TCEANC2: variants seen among roughly 807,000 people sequenced by gnomAD.
TCEANC2 encodes transcription elongation factor A N-terminal and central domain containing 2.
TCEANC2 carries 20 observed loss-of-function variants against 22.8 expected under a neutral mutation model. That is an observed-to-expected ratio of 0.88 (90% CI 0.62 to 1.28). The LOEUF (loss-of-function observed/expected upper bound fraction) is 1.28. TCEANC2 is among the 50% of genes most tolerant of loss of function. The pLI, the probability that TCEANC2 is intolerant of heterozygous loss-of-function variation, is 0.00. For synonymous variants in TCEANC2, 84 were observed against 95.5 expected (o/e 0.88, Z 0.70); for missense variants, 251 against 249.7 (o/e 1.01, Z -0.03).
At position 54,054,434 on chromosome 1, in the gene TCEANC2, C is replaced by T; in HGVS notation, c.12C>T (p.Phe4=). The T allele has an allele frequency of 6.8e-6, 11 of 1,613,930 alleles. No homozygotes were observed. Among genetic ancestry groups the T allele is most frequent in the Non-Finnish European group, 9.3e-6 (11 of 1,179,982 alleles). MDK[F]VIRTPRIQNS... is the part of the protein sequence containing the mutation. ...GGAGTCCCCTAACAATGGATAAATTCGTCATTCGAACGCCTAGAATCCAGA... is the reference window on the plus strand; with the variant it reads ...GGAGTCCCCTAACAATGGATAAATTTGTCATTCGAACGCCTAGAATCCAGA... The change falls in exon 2 of 5, where the codon TTC becomes TTT. Residue 4 remains phenylalanine, a synonymous_variant. Transcript: ENST00000234827.
chr1:54,096,880 G>C lies in TCEANC2; in HGVS notation c.*407G>C, dbSNP rs1381876267. The C allele has an allele frequency of 3.0e-6, 3 of 990,630 alleles. No individual in the cohort carries two copies. The highest frequency in any genetic ancestry group is 2.4e-6 in the Non-Finnish European group (2 of 833,008). 61.4% of individuals were successfully genotyped at this position (990,630 alleles called of 1,614,324 possible). On this transcript the variant is annotated 3_prime_UTR_variant, in exon 5 of 5. Coordinates refer to ENST00000234827, the MANE Select transcript of TCEANC2 (RefSeq NM_153035.3). The surrounding 1 kb of genome is among the most constrained non-coding windows in gnomAD (Gnocchi z 4.9). ...CTCAATTACCGCTGCCGCTCACTCG[G>C]TTCCATCCCCCTGAGTTTAGATAGC...
exon 5 of TCEANC2, chr1:54,111,727 A>G (rs1658843834): frequency 6.6e-6 from 1 of 152,228 alleles, no homozygotes; most frequent in Admixed American, 6.5e-5. Flanking sequence ...TGAAAAGCTG[A>G]TGGCTCAGAG....
chr1:54,069,851 G>A (rs1570001394), intron 3 of TCEANC2, among the ~76,000 whole-genome samples: 1 of 152,262 alleles, frequency 6.6e-6, no homozygotes. Context: ...ATGTTGAATT[G>A]CCATTTTAGT....
At chr1:54,109,005 C>T (rs921145415), downstream of TCEANC2, among the ~76,000 whole-genome samples, 2 of 152,148 alleles carry the variant, frequency 1.3e-5, no homozygotes, top group African/African-American at 4.8e-5. Context: ...GAATACCTGC[C>T]TCCTCTATGC....
chr1:54,061,647 G>A (rs1359221882), intron 2 of TCEANC2, among the ~76,000 whole-genome samples: 2 of 152,114 alleles, frequency 1.3e-5, no homozygotes, highest in Non-Finnish European at 2.9e-5. Flanking sequence ...GGCACAGAGA[G>A]ATTAAGTAGC....
chr1:54,055,215 T>C (rs938009884), intron 2 of TCEANC2, among the ~76,000 whole-genome samples: 2 of 152,184 alleles, frequency 1.3e-5, no homozygotes, highest in African/African-American at 4.8e-5. Context: ...TCCACCCGCC[T>C]CTTGTCTCCC....
chr1:54,106,358 T>C (rs1363411667), downstream of TCEANC2, among the ~76,000 whole-genome samples: 3 of 152,244 alleles, frequency 2.0e-5, no homozygotes, highest in East Asian at 5.8e-4. Context: ...ACCACATATG[T>C]ATTTTTTAAT....
Position 54,096,138 on chromosome 1 carries a change from C to T in TCEANC2, c.439-147C>T. On this transcript the variant is annotated intron_variant, in intron 4 of 4. Coordinates refer to ENST00000234827, the MANE Select transcript of TCEANC2 (RefSeq NM_153035.3). The surrounding 1 kb of genome is among the most constrained non-coding windows in gnomAD (Gnocchi z 4.9). ...TAATTGCCAGGGTGGAATTAATTTGCTCTTCCTGTTTCTCTTGTGACAGGA... is the reference window on the plus strand; with the variant it reads ...TAATTGCCAGGGTGGAATTAATTTGTTCTTCCTGTTTCTCTTGTGACAGGA... The T allele has an allele frequency of 3.1e-6, 4 of 1,302,038 alleles. No homozygotes were observed. The highest frequency in any genetic ancestry group is 2.5e-5 in the East Asian group (1 of 40,612). The allele number at this position is 1,302,038 out of a possible 1,614,324, so 80.7% of individuals were successfully genotyped here.
At chr1:54,068,948 C>T in intron 3 of TCEANC2, 51 bp downstream of exon 3, 2 of 1,433,086 alleles carry the variant, frequency 1.4e-6, no homozygotes, top group Non-Finnish European at 1.8e-6. Context: ...TTTTGTCTCC[C>T]TTCTTCTTTC....
In TCEANC2 at chr1:54,088,605, G is replaced by A; in HGVS notation, c.253G>A (p.Val85Met). The A allele has an allele frequency of 6.2e-7, 1 of 1,600,072 alleles. No homozygotes were observed. Among genetic ancestry groups the A allele is most frequent in the Non-Finnish European group, 8.5e-7 (1 of 1,175,882 alleles). Residue 85 changes from valine (V) to methionine (M), a missense_variant, in exon 4 of 5, where the codon GTG becomes ATG. Transcript: ENST00000234827. ...TTCTCTTCCTGTTCCAGGTCACACT[G>A]TGAACAAGATGCGTAAACACTCAGA... is the stretch of plus-strand genomic sequence containing the variant. Reference protein sequence around the residue: ...VLKSTRIGHTVNKMRKHSDSE... With the variant: ...VLKSTRIGHTMNKMRKHSDSE...
chr1:54,084,439 G>A (rs1658300647), intron 3 of TCEANC2, among the ~76,000 whole-genome samples: 1 of 152,180 alleles, frequency 6.6e-6, no homozygotes, highest in Admixed American at 6.5e-5. Flanking sequence ...AACAATACTG[G>A]AATGAATATT....
chr1:54,059,809 CT>C (rs1440155369), intron 2 of TCEANC2, among the ~76,000 whole-genome samples: 16 of 152,336 alleles, frequency 1.1e-4, no homozygotes, highest in Admixed American at 2.0e-4. Flanking sequence ...CATCTGTATT[CT>C]GGCATGCCGT....
In TCEANC2 at chr1:54,104,166, A is replaced by T. The variant is rs760664760; in HGVS notation, c.*7693A>T. 6.5e-6 allele frequency: 1 copy of T among 153,540 alleles called. No homozygotes were observed. The highest frequency in any genetic ancestry group is 1.5e-5 in the Non-Finnish European group (1 of 68,854). The allele number at this position is 153,540 out of a possible 1,614,324, so 9.5% of individuals were successfully genotyped here. ...GCTTTGTCTCCAATAGGTAGAATAC[A>T]TGAGTCCAGGAACCAAGAAATGAAA... On this transcript the variant is annotated 3_prime_UTR_variant, in exon 5 of 5. Transcript: ENST00000234827.
chr1:54,082,326 T>G (rs1570013002), intron 3 of TCEANC2, among the ~76,000 whole-genome samples: 1 of 152,352 alleles, frequency 6.6e-6, no homozygotes, highest in Non-Finnish European at 1.5e-5. Flanking sequence ...ATAGTTTCAT[T>G]ATTTTGTTTG....
At chr1:54,064,651 A>G (rs1045117973) in intron 2 of TCEANC2, among the ~76,000 whole-genome samples, 20 of 151,790 alleles carry the variant, frequency 1.3e-4, no homozygotes, top group Non-Finnish European at 2.5e-4. Flanking sequence ...GTGCAAATAA[A>G]GACTAGGCAA....
At chr1:54,054,687 T>G (rs762047050) in intron 2 of TCEANC2, among the ~76,000 whole-genome samples, 163 bp downstream of exon 2, 2 of 152,230 alleles carry the variant, frequency 1.3e-5, no homozygotes, top group Non-Finnish European at 2.9e-5. Flanking sequence ...TGTACAGACT[T>G]ACATTTATAA....
At position 54,097,213 on chromosome 1, in the gene TCEANC2, A is replaced by G. The variant is rs1440327608; in HGVS notation, c.*740A>G. Reference sequence around the variant, plus strand: ...TACTGCAGTAGAAAAAAGTACATACATATATATGTTAAAATGAAATATCTC... The same window carrying G: ...TACTGCAGTAGAAAAAAGTACATACGTATATATGTTAAAATGAAATATCTC... On this transcript the variant is annotated 3_prime_UTR_variant, in exon 5 of 5. Transcript: ENST00000234827. 1 of 152,774 alleles carries G rather than the reference A, an allele frequency of 6.5e-6. No homozygotes were observed. Among genetic ancestry groups the G allele is most frequent in the African/African-American group, 2.4e-5 (1 of 41,450 alleles). The allele number at this position is 152,774 out of a possible 1,614,324, so 9.5% of individuals were successfully genotyped here.
chr1:54,077,228 T>C (rs1407112622), intron 3 of TCEANC2, among the ~76,000 whole-genome samples: 1 of 152,192 alleles, frequency 6.6e-6, no homozygotes, highest in Non-Finnish European at 1.5e-5. Flanking sequence ...CTCCACTGGC[T>C]CGCTCTTTCT....
intron 4 of TCEANC2, among the ~76,000 whole-genome samples, chr1:54,090,992 C>T (rs1361326709): frequency 6.6e-6 from 1 of 152,044 alleles, no homozygotes; most frequent in Non-Finnish European, 1.5e-5. Context: ...AAGTGGTAAG[C>T]ACTCAAGTGT....
Sources: allele counts gnomAD v4.1 joint callset (sites outside exome capture counted in the v4.1 genomes callset), GRCh38; gene constraint gnomAD v4.1.1; non-coding constraint Gnocchi (gnomAD v3.1); transcripts MANE v1.5; gene names NCBI Gene and HGNC (gene_info 2026-07-23, HGNC 2026-07-21).